CCDC178: variants seen among roughly 807,000 people sequenced by gnomAD.
The protein encoded by CCDC178 is coiled-coil domain-containing protein 178.
CCDC178 carries 126 observed loss-of-function variants against 117.4 expected under a neutral mutation model. That is an observed-to-expected ratio of 1.07 (90% confidence interval 0.93 to 1.24). The LOEUF (loss-of-function observed/expected upper bound fraction) is 1.24, where lower values mean the gene tolerates loss of function less well. Among genes scored for constraint, CCDC178 ranks in the 50% most tolerant of loss-of-function variants. The probability of loss-of-function intolerance (pLI) is 0.00; values close to 1 mark genes in which losing one functional copy is unlikely to be tolerated. For synonymous variants in CCDC178, 283 were observed against 313.4 expected (o/e 0.90, Z 1.02); for missense variants, 1,030 against 986.9 (o/e 1.04, Z -0.59).
intron 9 of CCDC178, among the ~76,000 whole-genome samples, chr18:33,335,743 T>A (rs185503271): frequency 1.2e-4 from 19 of 152,244 alleles, no homozygotes; most frequent in African/African-American, 4.6e-4. Flanking sequence ...CTTTTATTTT[T>A]AAACCTTTTC....
At chr18:33,034,521 G>A (rs957883904) in intron 21 of CCDC178, among the ~76,000 whole-genome samples, 2 of 151,958 alleles carry the variant, frequency 1.3e-5, no homozygotes, top group East Asian at 1.9e-4. Context: ...TATATTTGCT[G>A]CTGCTTTTTG....
intron 21 of CCDC178, among the ~76,000 whole-genome samples, chr18:33,075,671 A>C (rs2057193129): frequency 6.6e-6 from 1 of 152,182 alleles, no homozygotes. Context: ...TTCCTTTAAA[A>C]TTATGTAGTT....
Position 33,073,040 on chromosome 18 carries a change from T to C in CCDC178, c.2388+19721A>G, listed in dbSNP as rs1037470111. ...TTTACTTGTGGGTATCCAACATTTT[T>C]TCAAAATCTCATAAAATTTATTTCT... On this transcript the variant is annotated intron_variant, in intron 21 of 22. Transcript: ENST00000383096. Among the ~76,000 whole-genome samples, 3 of 152,256 alleles carry C rather than the reference T, an allele frequency of 2.0e-5. No individual in the cohort carries two copies. The East Asian group carries it at 5.8e-4, about 29-fold the overall frequency.
intron 21 of CCDC178, among the ~76,000 whole-genome samples, chr18:33,092,478 T>C (rs540241564): frequency 9.2e-5 from 14 of 152,218 alleles, no homozygotes; most frequent in Admixed American, 5.2e-4. Context: ...TATGATAATA[T>C]ATTTAAATCT....
chr18:33,228,423 T>C (rs183588308), intron 15 of CCDC178, among the ~76,000 whole-genome samples: 66 of 152,312 alleles, frequency 4.3e-4, no homozygotes, highest in African/African-American at 1.3e-3. Flanking sequence ...GAAAAGAACT[T>C]GTGGATGTGT....
chr18:32,988,100 TA>T (rs1193269176), intron 21 of CCDC178, among the ~76,000 whole-genome samples: 4 of 145,696 alleles, frequency 2.7e-5, no homozygotes, highest in African/African-American at 1.0e-4. Context: ...ATAATAATAA[TA>T]ATAATAATAA....
chr18:33,238,105 AC>A (rs1477164909), intron 15 of CCDC178, among the ~76,000 whole-genome samples: 1 of 152,246 alleles, frequency 6.6e-6, no homozygotes, highest in Non-Finnish European at 1.5e-5. Flanking sequence ...GGGACTAAAT[AC>A]AACAAACTCT....
chr18:33,165,491 G>C (rs1309550923), intron 20 of CCDC178, among the ~76,000 whole-genome samples: 1 of 152,004 alleles, frequency 6.6e-6, no homozygotes, highest in East Asian at 1.9e-4. Flanking sequence ...TATCTGCAGG[G>C]GTCCTAGAAC....
intron 1 of CCDC178, 65 bp downstream of exon 1, chr18:33,440,588 C>T: frequency 6.6e-6 from 1 of 151,902 alleles, no homozygotes; most frequent in East Asian, 1.9e-4. Context: ...GAGTGGGCGC[C>T]GCCCGGCAGC....
At chr18:33,440,341 G>T (rs1599324880) in intron 1 of CCDC178, 4 of 145,500 alleles carry the variant, frequency 2.7e-5, no homozygotes, top group Admixed American at 2.7e-4. Flanking sequence ...CTGGGGGACT[G>T]GGGACAGGGG....
Position 33,162,904 on chromosome 18 carries a change from T to C in CCDC178, c.2238+48992A>G, listed in dbSNP as rs561374371. Among the ~76,000 whole-genome samples, 13 of 152,308 alleles carry C rather than the reference T, an allele frequency of 8.5e-5. No individual in the cohort carries two copies. The South Asian group carries it at 2.5e-3, about 29-fold the overall frequency. On this transcript the variant is annotated intron_variant, in intron 20 of 22. Coordinates refer to ENST00000383096, the MANE Select transcript of CCDC178 (RefSeq NM_001105528.4). ...GTGCTGCAATGAATGTTCGTGTGTA[T>C]GTGTCTTTAGGGTAGACGGATTTAT...
intron 20 of CCDC178, among the ~76,000 whole-genome samples, chr18:33,141,786 C>T (rs2058208367): frequency 6.6e-6 from 1 of 152,146 alleles, no homozygotes; most frequent in Non-Finnish European, 1.5e-5. Flanking sequence ...GGAATTAATG[C>T]TGATCATGCG....
chr18:33,383,470 G>A (rs1263244239), intron 5 of CCDC178, among the ~76,000 whole-genome samples: 7 of 151,930 alleles, frequency 4.6e-5, no homozygotes, highest in Admixed American at 1.3e-4. Context: ...GAGAGTTCTC[G>A]GTGGCATCAG....
At chr18:33,432,502 C>G (rs1379237618) in intron 2 of CCDC178, among the ~76,000 whole-genome samples, 3 of 151,608 alleles carry the variant, frequency 2.0e-5, no homozygotes, top group African/African-American at 7.3e-5. Flanking sequence ...CACACACACA[C>G]ACACACACAC....
At chr18:33,106,001 C>A (rs796585492) in intron 20 of CCDC178, among the ~76,000 whole-genome samples, 34 of 151,742 alleles carry the variant, frequency 2.2e-4, no homozygotes, top group African/African-American at 8.2e-4. Context: ...AATAAGAATA[C>A]AAATGCAGCA....
chr18:32,958,694 T>C (rs1333100077), intron 22 of CCDC178, among the ~76,000 whole-genome samples: 1 of 152,192 alleles, frequency 6.6e-6, no homozygotes, highest in Non-Finnish European at 1.5e-5. Flanking sequence ...TAGAAGTCTA[T>C]ACATTCTGTA....
intron 15 of CCDC178, among the ~76,000 whole-genome samples, chr18:33,234,414 A>G (rs1182879573): frequency 6.6e-6 from 1 of 152,128 alleles, no homozygotes; most frequent in Non-Finnish European, 1.5e-5. Context: ...GTAAACGAAG[A>G]CCAATGAAAC....
chr18:33,108,549 C>A (rs1006218224), intron 20 of CCDC178, among the ~76,000 whole-genome samples: 2 of 151,578 alleles, frequency 1.3e-5, no homozygotes, highest in African/African-American at 4.8e-5. Context: ...CTATAACAGA[C>A]AGACTAAACC....
chr18:32,961,391 T>G (rs1267902765), intron 22 of CCDC178, among the ~76,000 whole-genome samples: 1 of 152,150 alleles, frequency 6.6e-6, no homozygotes, highest in Non-Finnish European at 1.5e-5. Flanking sequence ...ATTTATCTGA[T>G]ATTAATATAG....
Sources: gnomAD v4.1 joint callset for allele counts (sites outside exome capture counted in the v4.1 genomes callset) on GRCh38, gnomAD v4.1.1 for gene constraint, MANE v1.5 for transcripts, NCBI Gene and HGNC (gene_info 2026-07-23, HGNC 2026-07-21) for gene names.